RIOK1: variants seen among roughly 807,000 people sequenced by gnomAD.
RIOK1 encodes RIO kinase 1, also known as serine/threonine-protein kinase RIO1.
RIOK1 carries 66 observed loss-of-function variants against 73.5 expected under a neutral mutation model. That is an observed-to-expected ratio of 0.90 (90% CI 0.74 to 1.10). RIOK1 has a LOEUF of 1.10. Ranked by LOEUF, RIOK1 falls within the 50% of genes least tolerant of loss-of-function variation. RIOK1 has a pLI of 0.00. For missense variants in RIOK1, 658 were observed against 699.8 expected, an observed-to-expected ratio of 0.94 and a Z score of 0.67; for synonymous variants, 224 against 226.8, an observed-to-expected ratio of 0.99 and a Z score of 0.11.
At chr6:7,406,202 G>A (rs1169191585) in intron 12 of RIOK1, among the ~76,000 whole-genome samples, 1 of 151,956 alleles carries the variant, frequency 6.6e-6, no homozygotes, top group Non-Finnish European at 1.5e-5. Context: ...TCATCATGTT[G>A]CCCAGGCTAG....
rs1220770259 is a variant in RIOK1 at position 7,417,451 on chromosome 6, C to G, written c.*10C>G. On this transcript the variant is annotated 3_prime_UTR_variant, in exon 17 of 17. Transcript: ENST00000379834. ...GAAAAAAGGCAAATAGAATGAGAACCATATTATGTACAGTCATTTTCCTCA... is the reference window on the plus strand; with the variant it reads ...GAAAAAAGGCAAATAGAATGAGAACGATATTATGTACAGTCATTTTCCTCA... 2 of 1,462,602 alleles carry G rather than the reference C, an allele frequency of 1.4e-6. No homozygotes were observed. Among genetic ancestry groups the G allele is most frequent in the Non-Finnish European group, 1.9e-6 (2 of 1,079,800 alleles). 90.6% of individuals were successfully genotyped at this position (1,462,602 alleles called of 1,614,324 possible). A position where few individuals can be genotyped will look rare whatever the true frequency, so the allele number is the denominator to read the frequency against.
rs776593421 is a variant in RIOK1, at chr6:7,412,919, A to G, written c.1420A>G (p.Lys474Glu). Residue 474 changes from lysine to glutamate, a missense_variant, in exon 15 of 17, where the codon AAA (lysine) becomes GAA (glutamate). Coordinates refer to ENST00000379834, the MANE Select transcript of RIOK1 (RefSeq NM_031480.3). ...ATACCAGACTGTTACAGGATTGAAG[A>G]AAGATTTGTCAGGAGTTCAGAAGGT... Reference protein sequence around the residue: ...ILYQTVTGLKKDLSGVQKVPA... With the variant: ...ILYQTVTGLKEDLSGVQKVPA... 15 of 1,561,168 alleles carry G rather than the reference A, an allele frequency of 9.6e-6. No homozygotes were observed. Among genetic ancestry groups the G allele is most frequent in the Non-Finnish European group, 1.2e-5 (14 of 1,158,380 alleles).
At chr6:7,416,444 C>G (rs1290069243) in intron 16 of RIOK1, among the ~76,000 whole-genome samples, 8 of 152,032 alleles carry the variant, frequency 5.3e-5, no homozygotes, top group Admixed American at 4.6e-4. Context: ...GTCAGGAGAT[C>G]GAGACCATCC....
intron 8 of RIOK1, among the ~76,000 whole-genome samples, chr6:7,403,170 T>G (rs1561877481): frequency 6.6e-6 from 1 of 152,254 alleles, no homozygotes; most frequent in Non-Finnish European, 1.5e-5. Context: ...TTGGAAGGCC[T>G]TGTAAGCCAT....
intron 14 of RIOK1, among the ~76,000 whole-genome samples, chr6:7,412,410 T>C (rs1259864714): frequency 2.0e-5 from 3 of 150,760 alleles, no homozygotes; most frequent in Non-Finnish European, 2.9e-5. Context: ...ATCTCAGCAC[T>C]TTGGGAGGCC....
At chr6:7,412,134 G>A (rs1761899782) in intron 14 of RIOK1, among the ~76,000 whole-genome samples, 1 of 152,146 alleles carries the variant, frequency 6.6e-6, no homozygotes, top group Non-Finnish European at 1.5e-5. Context: ...GCTAAGGTGG[G>A]CGGATCACTT....
intron 12 of RIOK1, among the ~76,000 whole-genome samples, chr6:7,405,999 CT>C (rs926787641): frequency 6.9e-6 from 1 of 145,750 alleles, no homozygotes; most frequent in African/African-American, 2.5e-5. Flanking sequence ...TTCTTTCTTT[CT>C]TTTTTTTTCT....
Position 7,417,416 on chromosome 6 carries a change from CAGCCAAGACGA to C in RIOK1, c.1684_1694del (p.Ala562LysfsTer6). 1 of 1,562,496 alleles carries C rather than the reference CAGCCAAGACGA, an allele frequency of 6.4e-7. No individual in the cohort carries two copies. Among genetic ancestry groups the C allele is most frequent in the Non-Finnish European group, 8.7e-7 (1 of 1,153,652 alleles). On this transcript the variant is annotated frameshift_variant, in exon 17 of 17. Coordinates refer to ENST00000379834, the MANE Select transcript of RIOK1 (RefSeq NM_031480.3). LOFTEE classifies it high-confidence loss of function. ...CATGTGAAAAAAAGAAAGGAGAAGA[CAGCCAAGACGA>C]AAAAAGGCAAATAGAATGAGAACCA... is the stretch of plus-strand genomic sequence containing the variant.
intron 12 of RIOK1, among the ~76,000 whole-genome samples, chr6:7,405,973 CTTTT>C (rs1325082968): frequency 2.7e-5 from 4 of 150,352 alleles, no homozygotes; most frequent in Admixed American, 2.7e-4. Context: ...TCTTTTCTTT[CTTTT>C]TCTTTTTTCT....
rs1257769634 is a variant in RIOK1 at position 7,417,970 on chromosome 6, T to TA, written c.*530dup. On this transcript the variant is annotated 3_prime_UTR_variant, in exon 17 of 17. Transcript: ENST00000379834. ...TATTGGCGATCATTTGTAATGCTCTTACACTTCGTCTTTAATGTTCTTTTT... is the reference window on the plus strand; with the variant it reads ...TATTGGCGATCATTTGTAATGCTCTTAACACTTCGTCTTTAATGTTCTTTTT... 3 of 152,272 alleles carry TA rather than the reference T, an allele frequency of 2.0e-5. No individual in the cohort carries two copies. In the East Asian group the frequency reaches 5.8e-4, roughly 29 times the overall value. 9.4% of individuals were successfully genotyped at this position (152,272 alleles called of 1,614,324 possible).
intron 12 of RIOK1, among the ~76,000 whole-genome samples, chr6:7,406,185 CAG>C (rs1427914704): frequency 4.6e-5 from 7 of 151,926 alleles, no homozygotes; most frequent in African/African-American, 1.7e-4. Context: ...TTTGTAGAGA[CAG>C]GGTTTCATCA....
intron 2 of RIOK1, 26 bp downstream of exon 2, chr6:7,393,329 C>T (rs371230265): frequency 6.3e-7 from 1 of 1,590,226 alleles, no homozygotes. Flanking sequence ...TCCTGCACAT[C>T]TTTATGTAGT....
At chr6:7,404,785 C>T in intron 10 of RIOK1, 133 bp from the exon 11 acceptor site, 1 of 894,034 alleles carries the variant, frequency 1.1e-6, no homozygotes, top group Non-Finnish European at 1.7e-6. Context: ...ATCTGTTAGT[C>T]AAGATTGCCT....
intron 1 of RIOK1, among the ~76,000 whole-genome samples, chr6:7,391,243 G>A (rs1761330931): frequency 6.6e-6 from 1 of 152,172 alleles, no homozygotes; most frequent in Admixed American, 6.5e-5. Flanking sequence ...AGTCTTAGGT[G>A]GTAGGGAGGC....
chr6:7,404,445 G>GT lies in RIOK1; in HGVS notation c.884dup (p.Leu295PhefsTer33). 2 of 1,614,108 alleles carry GT rather than the reference G, an allele frequency of 1.2e-6. No individual in the cohort carries two copies. Among genetic ancestry groups the GT allele is most frequent in the Non-Finnish European group, 1.7e-6 (2 of 1,180,012 alleles). ...CTGCACCACTCTTGAAAAATGTCCA[G>GT]TTATCAGAATCCAAGGCTCGGGAGT... is the stretch of plus-strand genomic sequence containing the variant. On this transcript the variant is annotated frameshift_variant, in exon 10 of 17. Coordinates refer to ENST00000379834, the MANE Select transcript of RIOK1 (RefSeq NM_031480.3). LOFTEE classifies it high-confidence loss of function.
chr6:7,399,656 C>T (rs11243164), intron 5 of RIOK1, among the ~76,000 whole-genome samples: 71,870 of 151,964 alleles, frequency 0.47, 18,303 homozygotes, highest in Middle Eastern at 0.61. Flanking sequence ...CTTAAGCCAT[C>T]TGGTTTGTTA....
chr6:7,400,287 A>T (rs1761577544), intron 5 of RIOK1, among the ~76,000 whole-genome samples: 2 of 152,276 alleles, frequency 1.3e-5, no homozygotes, highest in South Asian at 2.1e-4. Context: ...TTTTCAAAGC[A>T]ATCATTTAAA....
chr6:7,410,397 A>T lies in RIOK1; in HGVS notation c.1215A>T (p.Ile405=). The change falls in exon 13 of 17, where the codon ATA becomes ATT. Residue 405 remains isoleucine, a synonymous_variant. Coordinates refer to ENST00000379834, the MANE Select transcript of RIOK1 (RefSeq NM_031480.3). ...MDAYLSKAME[I]ASQRTKEERS... ...GTTTTCTTTCCAAGGCCATGGAAAT[A>T]GCATCTCAAAGGACCAAGGAAGAAC... The T allele has an allele frequency of 6.2e-7, 1 of 1,611,890 alleles. No individual in the cohort carries two copies. Among genetic ancestry groups the T allele is most frequent in the South Asian group, 1.1e-5 (1 of 91,000 alleles).
intron 8 of RIOK1, among the ~76,000 whole-genome samples, chr6:7,403,370 C>CT (rs1465346653): frequency 6.6e-6 from 1 of 152,128 alleles, no homozygotes; most frequent in Non-Finnish European, 1.5e-5. Context: ...GTTTTGGACA[C>CT]TTTTTTTATA....
Sources: gnomAD v4.1 joint callset for allele counts (sites outside exome capture counted in the v4.1 genomes callset) on GRCh38, gnomAD v4.1.1 for gene constraint, MANE v1.5 for transcripts, NCBI Gene and HGNC (gene_info 2026-07-23, HGNC 2026-07-21) for gene names.